Variants in ZFHX4 observed in about 807,000 individuals in gnomAD.
ZFHX4 encodes the protein zinc finger homeobox 4, also known as zinc finger homeobox protein 4.
In ZFHX4, 56 loss-of-function variants were observed where a neutral mutation model predicts 267.6. That is an observed-to-expected ratio of 0.21 (90% CI 0.17 to 0.26). ZFHX4 has a LOEUF of 0.26. Among genes scored for constraint, ZFHX4 ranks in the 10% least tolerant of loss-of-function variants. The pLI, the probability that ZFHX4 is intolerant of heterozygous loss-of-function variation, is 1.00. For synonymous variants in ZFHX4, 1,778 were observed against 1,665.6 expected (o/e 1.07, Z -1.64); for missense variants, 4,332 against 4,420.0 (o/e 0.98, Z 0.56).
intron 4 of ZFHX4, among the ~76,000 whole-genome samples, chr8:76,828,669 TCAAAAGTAAAACA>T (rs1298951739): frequency 6.6e-6 from 1 of 152,140 alleles, no homozygotes; most frequent in Non-Finnish European, 1.5e-5. Flanking sequence ...GGGAGAAGCT[TCAAAAGTAAAACA>T]CAAAAGGCAT....
In ZFHX4 at chr8:76,829,775, C is replaced by T. The variant is rs542342911; in HGVS notation, c.3326-3563C>T. On this transcript the variant is annotated intron_variant, in intron 4 of 10. Coordinates refer to ENST00000651372, the MANE Select transcript of ZFHX4 (RefSeq NM_024721.5). Reference sequence around the variant, plus strand: ...TGGAGGTTGCAGTGAGTCAAGATCGCGCCACTGCACTCCGGCCTGGGTTAC... The same window carrying T: ...TGGAGGTTGCAGTGAGTCAAGATCGTGCCACTGCACTCCGGCCTGGGTTAC... Among the ~76,000 whole-genome samples, 11 of 152,054 alleles carry T rather than the reference C, an allele frequency of 7.2e-5. No homozygotes were observed. The South Asian group carries it at 1.5e-3, about 20-fold the overall frequency.
chr8:76,774,701 T>G (rs1169622698), intron 3 of ZFHX4, among the ~76,000 whole-genome samples: 1 of 152,144 alleles, frequency 6.6e-6, no homozygotes, highest in African/African-American at 2.4e-5. Flanking sequence ...ATAATTTTCC[T>G]GACTTTACAT....
At chr8:76,763,563 C>CA (rs1013882240) in intron 3 of ZFHX4, among the ~76,000 whole-genome samples, 1 of 152,118 alleles carries the variant, frequency 6.6e-6, no homozygotes, top group Admixed American at 6.5e-5. Context: ...GTTGAGGCTG[C>CA]AGTGAGCCGT....
rs754364434 is a variant in ZFHX4 at position 76,852,447 on chromosome 8, G to A, written c.5526G>A (p.Val1842=). 6 of 1,565,192 alleles carry A rather than the reference G, an allele frequency of 3.8e-6. No individual in the cohort carries two copies. The African/African-American group carries it at 6.8e-5, about 18-fold the overall frequency. The stretch of plus-strand genomic sequence containing the variant: ...TGAAACAAGAGCAAAGTAACATAGT[G>A]AGTGCAGACTGCCAAATCATGAAGG... ...KLLKQEQSNI[V]SADCQIMKDV... is the part of the protein sequence containing the mutation. The change falls in exon 10 of 11, where the codon GTG becomes GTA. Residue 1842 remains valine, a synonymous_variant. Coordinates refer to ENST00000651372, the MANE Select transcript of ZFHX4 (RefSeq NM_024721.5).
rs534280594 is a variant in ZFHX4, at chr8:76,854,091, C to G, written c.7170C>G (p.Pro2390=). ...AASSGSGTST[P]LIPSPKPEPE... ...GTTCTGGCTCTGGGACCAGCACCCC[C>G]CTGATTCCATCACCCAAACCAGAAC... Residue 2390 remains proline, a synonymous_variant, in exon 10 of 11, where the codon CCC becomes CCG. Coordinates refer to ENST00000651372, the MANE Select transcript of ZFHX4 (RefSeq NM_024721.5). 15 of 1,613,906 alleles carry G rather than the reference C, an allele frequency of 9.3e-6. No homozygotes were observed. In the East Asian group the frequency reaches 2.0e-4, roughly 22 times the overall value.
In ZFHX4 at chr8:76,707,533, T is replaced by C; in HGVS notation, c.2591-13T>C. The stretch of plus-strand genomic sequence containing the variant: ...TAGTCTCTATTTTTCCTTTTAATTT[T>C]TTTTTCCTGTAGTAAATAATGAGCT... On this transcript the variant is annotated splice_polypyrimidine_tract_variant and intron_variant, in intron 2 of 10. Transcript: ENST00000651372. 6.6e-7 allele frequency: 1 copy of C among 1,505,376 alleles called. No individual in the cohort carries two copies. The highest frequency in any genetic ancestry group is 8.9e-7 in the Non-Finnish European group (1 of 1,128,200). 93.3% of individuals were successfully genotyped at this position (1,505,376 alleles called of 1,614,324 possible).
intron 3 of ZFHX4, among the ~76,000 whole-genome samples, chr8:76,766,455 C>T (rs770025325): frequency 6.6e-6 from 1 of 152,062 alleles, no homozygotes; most frequent in Non-Finnish European, 1.5e-5. Flanking sequence ...TTTTATCTCA[C>T]ATGTAACTTA....
At chr8:76,775,030 G>A (rs1810368333) in intron 3 of ZFHX4, among the ~76,000 whole-genome samples, 1 of 152,072 alleles carries the variant, frequency 6.6e-6, no homozygotes, top group Non-Finnish European at 1.5e-5. Context: ...TATGTCATTG[G>A]GTAAAGTAAA....
At chr8:76,776,418 C>T (rs577127376) in intron 3 of ZFHX4, among the ~76,000 whole-genome samples, 2 of 152,208 alleles carry the variant, frequency 1.3e-5, no homozygotes, top group South Asian at 2.1e-4. Flanking sequence ...CAAATCTGGT[C>T]GCTGGGACTA....
intron 3 of ZFHX4, 140 bp from the exon 4 acceptor site, chr8:76,778,068 G>A: frequency 1.6e-6 from 1 of 631,822 alleles, no homozygotes; most frequent in Non-Finnish European, 2.9e-6. Context: ...TCAGGTGGTA[G>A]GCTGGGCTGC....
chr8:76,739,401 C>T (rs4143529), intron 3 of ZFHX4, among the ~76,000 whole-genome samples: 45,968 of 151,932 alleles, frequency 0.3, 10,054 homozygotes, highest in African/African-American at 0.61. Context: ...CCTCATGGTT[C>T]CTTTGGAATA....
In ZFHX4 at chr8:76,689,181, T is replaced by C. The variant is rs186074795; in HGVS notation, c.-47+7561T>C. Among the ~76,000 whole-genome samples, 365 of 152,288 alleles carry C rather than the reference T, an allele frequency of 2.4e-3. 3 individuals are homozygous for C. The highest frequency in any genetic ancestry group is 8.2e-3 in the African/African-American group (343 of 41,580). On this transcript the variant is annotated intron_variant, in intron 1 of 10. Transcript: ENST00000651372. ...AAAATCCACATGGAGGCTATTCTTT[T>C]ACATGCAGAAGGGCTTATTAAGGTA...
chr8:76,855,357 C>G lies in ZFHX4; in HGVS notation c.8436C>G (p.Asp2812Glu). 6.2e-7 allele frequency: 1 copy of G among 1,613,590 alleles called. No individual in the cohort carries two copies. The change falls in exon 10 of 11, where the codon GAC becomes GAG. Residue 2812 changes from aspartate (D) to glutamate (E), a missense_variant. By Grantham distance (45) the Asp-to-Glu change is conservative (BLOSUM62 2). This residue lies in a region of ZFHX4 where 1,648 missense variants were observed against 1,625.0 expected (regional missense o/e 1.01). Coordinates refer to ENST00000651372, the MANE Select transcript of ZFHX4 (RefSeq NM_024721.5). ...ETSSINTAIS[D>E]ATTGDEGNTE... The stretch of plus-strand genomic sequence containing the variant: ...CATCGATTAATACGGCAATCAGTGA[C>G]GCCACCACCGGAGACGAGGGAAACA...
intron 1 of ZFHX4, chr8:76,684,031 ACTTT>A (rs983706960): frequency 1.3e-5 from 2 of 151,020 alleles, no homozygotes; most frequent in South Asian, 2.1e-4. Context: ...GCAAGCTCAG[ACTTT>A]CTTTCTGTTT....
chr8:76,746,940 T>G (rs1452926934), intron 3 of ZFHX4, among the ~76,000 whole-genome samples: 1 of 152,218 alleles, frequency 6.6e-6, no homozygotes, highest in Admixed American at 6.5e-5. Context: ...GTGTTGTGTT[T>G]ATAAACCCAT....
intron 5 of ZFHX4, among the ~76,000 whole-genome samples, chr8:76,842,007 T>G (rs1812245972): frequency 6.6e-6 from 1 of 152,134 alleles, no homozygotes; most frequent in South Asian, 2.1e-4. Flanking sequence ...CTATGAGGAT[T>G]TCCATGTAAT....
chr8:76,771,313 G>T (rs1302989967), intron 3 of ZFHX4, among the ~76,000 whole-genome samples: 1 of 152,162 alleles, frequency 6.6e-6, no homozygotes, highest in Admixed American at 6.6e-5. Flanking sequence ...TGAAGGCAGA[G>T]ACTTTGTTAT....
At position 76,842,763 on chromosome 8, in the gene ZFHX4, A is replaced by C; in HGVS notation, c.3503A>C (p.Lys1168Thr). Residue 1168 changes from lysine to threonine, a missense_variant, in exon 6 of 11, where the codon AAA becomes ACA. Around this residue, in one of 7 missense-constraint regions of ZFHX4, gnomAD observed 1,371 missense variants for 1,423.1 expected, o/e 0.96. Coordinates refer to ENST00000651372, the MANE Select transcript of ZFHX4 (RefSeq NM_024721.5). ...RDNSEGKNSN[K>T]DSGIITPEKE... ...AATAGTGAAGGCAAAAACTCTAATAAAGACTCTGGTAAGATGCAAGAATCT... is the reference window on the plus strand; with the variant it reads ...AATAGTGAAGGCAAAAACTCTAATACAGACTCTGGTAAGATGCAAGAATCT... 2 of 1,550,034 alleles carry C rather than the reference A, an allele frequency of 1.3e-6. No homozygotes were observed. The highest frequency in any genetic ancestry group is 1.7e-6 in the Non-Finnish European group (2 of 1,145,654).
chr8:76,840,149 A>C (rs1055422789), intron 5 of ZFHX4, among the ~76,000 whole-genome samples: 1 of 152,200 alleles, frequency 6.6e-6, no homozygotes. Context: ...TTGCTTGAGC[A>C]TTAGAGCTAA....
Sources: allele counts gnomAD v4.1 joint callset (sites outside exome capture counted in the v4.1 genomes callset), GRCh38; gene constraint gnomAD v4.1.1; regional missense constraint gnomAD v4.1.1; transcripts MANE v1.5; gene names NCBI Gene and HGNC (gene_info 2026-07-23, HGNC 2026-07-21).